The following GALNT16 variants were observed in gnomAD, a reference collection of about 807,000 sequenced individuals.
The protein encoded by GALNT16 is UDP-GalNAc:polypeptide N-acetylgalactosaminyltransferase-like protein 1.
In GALNT16, 40 loss-of-function variants were observed where a neutral mutation model predicts 76.1. The ratio of observed to expected loss-of-function variants is 0.53; its 90% CI spans 0.41 to 0.68. GALNT16 has a LOEUF of 0.68. Among genes scored for constraint, GALNT16 ranks in the 30% least tolerant of loss-of-function variants. The pLI is 0.00. For synonymous variants in GALNT16, 276 were observed against 285.2 expected (o/e 0.97, Z 0.32); for missense variants, 621 against 731.9 (o/e 0.85, Z 1.75).
chr14:69,291,010 G>A (rs1195380384), intron 1 of GALNT16, among the ~76,000 whole-genome samples: 1 of 152,220 alleles, frequency 6.6e-6, no homozygotes, highest in African/African-American at 2.4e-5. Flanking sequence ...CTTCTTCCAG[G>A]CTGGGTGTGG....
intron 1 of GALNT16, among the ~76,000 whole-genome samples, chr14:69,295,699 G>A (rs2044750959): frequency 2.6e-5 from 4 of 152,126 alleles, no homozygotes; most frequent in South Asian, 2.1e-4. Flanking sequence ...CAGCCTGGGC[G>A]ACAGAGCGAG....
At chr14:69,357,761 G>T (rs1237980725), downstream of GALNT16, 3 of 152,256 alleles carry the variant, frequency 2.0e-5, no homozygotes, top group Admixed American at 2.0e-4. Context: ...CAGATAACCT[G>T]CTCAGTATCC....
chr14:69,301,798 G>A (rs1209735718), intron 1 of GALNT16, among the ~76,000 whole-genome samples: 1 of 152,112 alleles, frequency 6.6e-6, no homozygotes, highest in Non-Finnish European at 1.5e-5. Flanking sequence ...AGACCAGCCT[G>A]GGCAACATGG....
the GALNT16 span, among the ~76,000 whole-genome samples, chr14:69,366,118 T>C: frequency 6.6e-6 from 1 of 152,204 alleles, no homozygotes; most frequent in Non-Finnish European, 1.5e-5. Context: ...GTCAGAAAGA[T>C]TGGGGAAGAG....
At chr14:69,314,570 C>A (rs566855097) in intron 1 of GALNT16, among the ~76,000 whole-genome samples, 17 of 152,370 alleles carry the variant, frequency 1.1e-4, no homozygotes, top group African/African-American at 4.1e-4. Context: ...AGACCACTGG[C>A]AGCCCAGTGG....
At chr14:69,301,995 A>G (rs1215537633) in intron 1 of GALNT16, among the ~76,000 whole-genome samples, 2 of 152,114 alleles carry the variant, frequency 1.3e-5, no homozygotes, top group East Asian at 1.9e-4. Flanking sequence ...AAACACACAC[A>G]CAGAAAACAG....
chr14:69,355,222 G>T (rs1317619832), downstream of GALNT16: 6 of 152,334 alleles, frequency 3.9e-5, no homozygotes, highest in Non-Finnish European at 8.8e-5. Context: ...TGCTGATCTG[G>T]AGTTACCCAG....
the GALNT16 span, among the ~76,000 whole-genome samples, chr14:69,381,947 G>A: frequency 2.6e-5 from 4 of 152,142 alleles, no homozygotes; most frequent in East Asian, 5.8e-4. Context: ...CGCCTCGGCC[G>A]CCCAAAGTGC....
At chr14:69,275,534 C>T (rs540419284) in intron 1 of GALNT16, among the ~76,000 whole-genome samples, 29 of 152,226 alleles carry the variant, frequency 1.9e-4, no homozygotes, top group East Asian at 3.9e-4. Flanking sequence ...TGTGTGTGTG[C>T]GCATGCGCAC....
At chr14:69,277,532 G>A (rs1442016133) in intron 1 of GALNT16, among the ~76,000 whole-genome samples, 1 of 152,160 alleles carries the variant, frequency 6.6e-6, no homozygotes, top group Non-Finnish European at 1.5e-5. Flanking sequence ...CTTCATCCAT[G>A]TCCCTACAAA....
chr14:69,306,401 A>G (rs1480390513), intron 1 of GALNT16, among the ~76,000 whole-genome samples: 1 of 152,106 alleles, frequency 6.6e-6, no homozygotes, highest in Non-Finnish European at 1.5e-5. Context: ...TTTTGATCAT[A>G]CTGTTAAATT....
the GALNT16 span, among the ~76,000 whole-genome samples, chr14:69,379,336 G>A: frequency 3.9e-5 from 6 of 152,066 alleles, no homozygotes; most frequent in Admixed American, 3.9e-4. Flanking sequence ...TAATCTCTTG[G>A]TACAGTGATA....
At chr14:69,263,681 G>T (rs1189093862) in intron 1 of GALNT16, among the ~76,000 whole-genome samples, 2 of 152,190 alleles carry the variant, frequency 1.3e-5, no homozygotes, top group Non-Finnish European at 2.9e-5. Context: ...TGCCTGTTTG[G>T]CATTACAGGG....
intron 2 of GALNT16, among the ~76,000 whole-genome samples, chr14:69,322,620 G>A (rs1004736669): frequency 3.3e-5 from 5 of 152,178 alleles, no homozygotes; most frequent in Admixed American, 6.5e-5. Flanking sequence ...GGCCAGGCAC[G>A]GTGGCTCACA....
chr14:69,354,439 C>A lies in GALNT16; in HGVS notation c.*2271C>A, dbSNP rs117286127. 0.017 allele frequency: 2,542 copies of A among 152,902 alleles called. 41 individuals are homozygous for A. Among genetic ancestry groups the A allele is most frequent in the Non-Finnish European group, 0.023 (1,598 of 68,106 alleles). The allele number at this position is 152,902 out of a possible 1,614,324, so 9.5% of individuals were successfully genotyped here. The stretch of plus-strand genomic sequence containing the variant: ...GGACCTCGTCTTTATGAAACACACA[C>A]CTGGAATAAAACCACTTCTTACATG... On this transcript the variant is annotated 3_prime_UTR_variant, in exon 15 of 15. Coordinates refer to ENST00000448469, the MANE Select transcript of GALNT16 (RefSeq NM_001168368.2).
chr14:69,314,833 A>G (rs1002436686), intron 1 of GALNT16, among the ~76,000 whole-genome samples: 9 of 152,214 alleles, frequency 5.9e-5, no homozygotes, highest in African/African-American at 1.9e-4. Context: ...GACTCAGGAA[A>G]AAAGTCAGGG....
chr14:69,299,362 G>A (rs180995834), intron 1 of GALNT16, among the ~76,000 whole-genome samples: 5 of 152,286 alleles, frequency 3.3e-5, no homozygotes, highest in Admixed American at 6.5e-5. Context: ...AAGCTGACTC[G>A]GAGACGGAGG....
rs144793846 is a variant in GALNT16 at position 69,325,404 on chromosome 14, C to G, written c.502C>G (p.Pro168Ala). 15 of 1,564,134 alleles carry G rather than the reference C, an allele frequency of 9.6e-6. No individual in the cohort carries two copies. Among genetic ancestry groups the G allele is most frequent in the Non-Finnish European group, 1.3e-5 (15 of 1,134,444 alleles). ...IILVDDFSSDPEDCLLLTRIP... is the reference protein window; with the variant it reads ...IILVDDFSSDAEDCLLLTRIP... ...TTTAGTGGATGACTTCAGCTCAGATCGTGAGTAGTCACCTTCCTTTTTGCA... is the reference window on the plus strand; with the variant it reads ...TTTAGTGGATGACTTCAGCTCAGATGGTGAGTAGTCACCTTCCTTTTTGCA... The change falls in exon 4 of 15, where the codon CCG becomes GCG. Residue 168 changes from proline (P) to alanine (A), a missense_variant and splice_region_variant. Physicochemically the swap from Pro to Ala is conservative, Grantham distance 27 (BLOSUM62 -1). Coordinates refer to ENST00000448469, the MANE Select transcript of GALNT16 (RefSeq NM_001168368.2).
At chr14:69,336,110 C>T (rs1472377116) in intron 9 of GALNT16, among the ~76,000 whole-genome samples, 1 of 152,110 alleles carries the variant, frequency 6.6e-6, no homozygotes, top group Non-Finnish European at 1.5e-5. Flanking sequence ...ACGTGGGCTG[C>T]ACGGCCTCCT....
Sources: allele counts gnomAD v4.1 joint callset (sites outside exome capture counted in the v4.1 genomes callset), GRCh38; gene constraint gnomAD v4.1.1; transcripts MANE v1.5; gene names NCBI Gene and HGNC (gene_info 2026-07-23, HGNC 2026-07-21).